BRD8: variants seen among roughly 807,000 people sequenced by gnomAD.
BRD8 encodes the protein bromodomain-containing protein 8.
Under a neutral mutation model 143.1 loss-of-function variants are expected in BRD8, and 67 were observed. The observed-to-expected ratio is 0.47, with a 90% CI of 0.38 to 0.57. The LOEUF is 0.57. Ranked by LOEUF, BRD8 falls within the 20% of genes least tolerant of loss-of-function variation. The pLI is 0.00. For missense variants in BRD8, 1,103 were observed against 1,503.0 expected, an observed-to-expected ratio of 0.73 and a Z score of 4.40; for synonymous variants, 505 against 517.1, an observed-to-expected ratio of 0.98 and a Z score of 0.32.
At chr5:138,145,691 C>T in intron 24 of BRD8, 98 bp downstream of exon 24, 2 of 1,047,740 alleles carry the variant, frequency 1.9e-6, no homozygotes, top group Non-Finnish European at 2.9e-6. Context: ...AACTATGGCT[C>T]ATTTGAGGGA....
chr5:138,158,524 C>T (rs1339148630), intron 20 of BRD8, among the ~76,000 whole-genome samples: 2 of 151,144 alleles, frequency 1.3e-5, no homozygotes, highest in African/African-American at 4.9e-5. Context: ...CGGCAACCTC[C>T]GCCTCCTGGG....
rs1581392765 is a variant in BRD8 at position 138,140,005 on chromosome 5, G to A, written c.*69C>T. 1 of 1,237,572 alleles carries A rather than the reference G, an allele frequency of 8.1e-7. No individual in the cohort carries two copies. Among genetic ancestry groups the A allele is most frequent in the Non-Finnish European group, 1.2e-6 (1 of 846,324 alleles). 76.7% of individuals were successfully genotyped at this position (1,237,572 alleles called of 1,614,324 possible). A position where few individuals can be genotyped will look rare whatever the true frequency, so the allele number is the denominator to read the frequency against. On this transcript the variant is annotated 3_prime_UTR_variant, in exon 27 of 27. Transcript: ENST00000254900. ...ATGAGGACATGGCAAAGAAGTACCA[G>A]GATCCTCTCTAGGTCAGAGTTCCGG...
At chr5:138,172,665 C>CAAAA (rs147364810) in intron 2 of BRD8, 49 of 216,714 alleles carry the variant, frequency 2.3e-4, no homozygotes, top group Middle Eastern at 1.6e-3. Flanking sequence ...CCCATCCCTA[C>CAAAA]AAAAAAAAAA....
intron 20 of BRD8, among the ~76,000 whole-genome samples, 158 bp from the exon 21 acceptor site, chr5:138,152,918 A>T (rs906173322): frequency 6.6e-5 from 10 of 152,242 alleles, no homozygotes; most frequent in Admixed American, 3.3e-4. Context: ...GAAGGGAGAC[A>T]TGAGATGAAA....
intron 23 of BRD8, among the ~76,000 whole-genome samples, chr5:138,148,623 C>T (rs978648398): frequency 1.3e-5 from 2 of 152,068 alleles, no homozygotes; most frequent in Non-Finnish European, 2.9e-5. Flanking sequence ...CCTGCCTCTG[C>T]CTCCCAAAGT....
chr5:138,162,625 G>C (rs996760489), intron 15 of BRD8, among the ~76,000 whole-genome samples: 1 of 152,096 alleles, frequency 6.6e-6, no homozygotes, highest in Non-Finnish European at 1.5e-5. Context: ...AAGACTGCTT[G>C]AGGTCAGGAG....
intron 25 of BRD8, among the ~76,000 whole-genome samples, chr5:138,143,889 G>C (rs1448896844): frequency 6.6e-6 from 1 of 152,174 alleles, no homozygotes; most frequent in East Asian, 1.9e-4. Context: ...ATGTGGAGGA[G>C]GCCAAATAAG....
intron 14 of BRD8, 76 bp downstream of exon 14, chr5:138,164,011 C>T (rs1468584539): frequency 6.7e-7 from 1 of 1,498,514 alleles, no homozygotes; most frequent in Non-Finnish European, 9.3e-7. Flanking sequence ...TGTGACTTTA[C>T]TGAAATTCAT....
chr5:138,160,846 A>G (rs746429255), intron 18 of BRD8, 45 bp downstream of exon 18: 2 of 1,518,572 alleles, frequency 1.3e-6, no homozygotes, highest in Non-Finnish European at 1.8e-6. Context: ...CCCTTGAAGT[A>G]TTTTAATTTC....
chr5:138,172,779 G>T (rs1467394284), intron 2 of BRD8: 7 of 430,426 alleles, frequency 1.6e-5, no homozygotes, highest in Non-Finnish European at 1.8e-5. Flanking sequence ...TTGAGCCCAG[G>T]AAGTCAAGAG....
Position 138,161,843 on chromosome 5 carries a change from C to T in BRD8, c.2202G>A (p.Gln734=). 6.2e-7 allele frequency: 1 copy of T among 1,614,108 alleles called. No homozygotes were observed. The highest frequency in any genetic ancestry group is 8.5e-7 in the Non-Finnish European group (1 of 1,180,008). Residue 734 remains glutamine (Q), a synonymous_variant, in exon 17 of 27, where the codon CAG becomes CAA. Coordinates refer to ENST00000254900, the MANE Select transcript of BRD8 (RefSeq NM_139199.2). ...CAGGTGCTATGTCATCTGTAACAGG[C>T]TGCAGGAAGACATTGGCATACCTGT... The part of the protein sequence containing the change: ...ANHRYANVFL[Q]PVTDDIAPGY...
At chr5:138,161,142 C>T (rs1673705567) in intron 17 of BRD8, 74 bp from the exon 18 acceptor site, 1 of 1,214,604 alleles carries the variant, frequency 8.2e-7, no homozygotes, top group Non-Finnish European at 1.1e-6. Context: ...AATACATTAT[C>T]ATATAGACTT....
Position 138,152,524 on chromosome 5 carries a change from TG to T in BRD8, c.2813del (p.Ala938GlufsTer16). 6.2e-7 allele frequency: 1 copy of T among 1,614,210 alleles called. No homozygotes were observed. The highest frequency in any genetic ancestry group is 8.5e-7 in the Non-Finnish European group (1 of 1,180,042). On this transcript the variant is annotated frameshift_variant, in exon 21 of 27. Transcript: ENST00000254900. LOFTEE classifies it high-confidence loss of function. ...DGGSEESQEA[A>X]RKASHQNLLH... ...GGAGGTTCTGGTGGCTGGCTTTCCT[TG>T]CCGCTTCCTGAGATTCCTCACTGCC...
At chr5:138,176,347 C>T (rs1257773861) in intron 2 of BRD8, among the ~76,000 whole-genome samples, 1 of 151,888 alleles carries the variant, frequency 6.6e-6, no homozygotes, top group Non-Finnish European at 1.5e-5. Context: ...AATCCCAGCA[C>T]TTTTGGAGGC....
chr5:138,154,476 A>C (rs908482253), intron 20 of BRD8, among the ~76,000 whole-genome samples: 1 of 152,162 alleles, frequency 6.6e-6, no homozygotes, highest in East Asian at 1.9e-4. Flanking sequence ...TTGTGTTTGT[A>C]TCTCATGCCT....
intron 20 of BRD8, among the ~76,000 whole-genome samples, chr5:138,153,617 CA>C (rs1324999069): frequency 6.6e-6 from 1 of 151,750 alleles, no homozygotes; most frequent in Non-Finnish European, 1.5e-5. Flanking sequence ...CCTTTATCTC[CA>C]AAATCACTGC....
chr5:138,162,147 C>G lies in BRD8; in HGVS notation c.2088-1G>C. The G allele has an allele frequency of 1.3e-6, 2 of 1,597,242 alleles. No homozygotes were observed. The highest frequency in any genetic ancestry group is 1.7e-6 in the Non-Finnish European group (2 of 1,174,848). On this transcript the variant is annotated splice_acceptor_variant, in intron 15 of 26. Transcript: ENST00000254900. LOFTEE classifies it high-confidence loss of function. The stretch of plus-strand genomic sequence containing the variant: ...TTCCTGATCCTCACTACAGACAGAG[C>G]TGAAACAGAGATACAGCAATTCCAC...
chr5:138,149,448 A>G (rs1752293135), intron 23 of BRD8, among the ~76,000 whole-genome samples, 192 bp downstream of exon 23: 1 of 152,142 alleles, frequency 6.6e-6, no homozygotes, highest in African/African-American at 2.4e-5. Flanking sequence ...TTGATTAAAC[A>G]TATTTGTTTT....
chr5:138,170,680 C>A (rs556410025), intron 6 of BRD8, 152 bp downstream of exon 6: 31 of 764,946 alleles, frequency 4.1e-5, no homozygotes, highest in African/African-American at 2.4e-4. Flanking sequence ...CTCACTCCCC[C>A]CTCCCAGCCA....
Sources: gnomAD v4.1 joint callset for allele counts (sites outside exome capture counted in the v4.1 genomes callset) on GRCh38, gnomAD v4.1.1 for gene constraint, MANE v1.5 for transcripts, NCBI Gene and HGNC (gene_info 2026-07-23, HGNC 2026-07-21) for gene names.